The following TTLL7 variants were observed in gnomAD, a reference collection of about 807,000 sequenced individuals.
TTLL7 encodes the protein tubulin tyrosine ligase like 7.
In TTLL7, 53 loss-of-function variants were observed where a neutral mutation model predicts 120.2. The observed-to-expected ratio is 0.44, with a 90% CI of 0.35 to 0.55. The LOEUF (loss-of-function observed/expected upper bound fraction) is 0.55, where lower values mean the gene tolerates loss of function less well. Ranked by LOEUF, TTLL7 falls within the 20% of genes least tolerant of loss-of-function variation. TTLL7 has a pLI of 0.00. For missense variants in TTLL7, 803 were observed against 1,054.7 expected (o/e 0.76, Z 3.31); for synonymous variants, 353 against 351.7 (o/e 1.00, Z -0.04).
Position 83,917,115 on chromosome 1 carries a change from AAGG to A in TTLL7, c.1587+486_1587+488del, listed in dbSNP as rs1375467637. On this transcript the variant is annotated intron_variant, in intron 14 of 20. Transcript: ENST00000260505. ...CCCTGTTATCAAAAAAAAAAAAAAA[AAGG>A]AGAACATGTAGATGTCATCTACATG... 3.3e-5 allele frequency among the ~76,000 whole-genome samples: 5 copies of A among 151,730 alleles called. No individual in the cohort carries two copies. In the East Asian group the frequency reaches 9.7e-4, roughly 29 times the overall value.
chr1:83,956,242 C>T (rs1190449636), intron 1 of TTLL7, among the ~76,000 whole-genome samples: 1 of 151,804 alleles, frequency 6.6e-6, no homozygotes, highest in East Asian at 1.9e-4. Context: ...CAGGTGTACA[C>T]CACCACAACA....
chr1:83,890,743 T>G (rs1655395413), intron 18 of TTLL7, among the ~76,000 whole-genome samples: 1 of 151,656 alleles, frequency 6.6e-6, no homozygotes, highest in African/African-American at 2.4e-5. Context: ...GTAAAAGAAA[T>G]AAAAATAAAA....
intron 20 of TTLL7, among the ~76,000 whole-genome samples, chr1:83,875,040 A>T (rs1399936301): frequency 6.6e-6 from 1 of 151,848 alleles, no homozygotes; most frequent in African/African-American, 2.4e-5. Flanking sequence ...AAGGTATTTT[A>T]AAAAGTACAT....
At chr1:83,914,177 A>G (rs1407778417) in intron 14 of TTLL7, among the ~76,000 whole-genome samples, 1 of 152,108 alleles carries the variant, frequency 6.6e-6, no homozygotes, top group East Asian at 1.9e-4. Context: ...AACCAGGCTC[A>G]CCTGTATCAT....
At position 83,907,441 on chromosome 1, in the gene TTLL7, A is replaced by G; in HGVS notation, c.1992+15T>C. On this transcript the variant is annotated intron_variant, in intron 16 of 20. Transcript: ENST00000260505. ...AGCTCCCTGTAATCTTGAAAGAGCA[A>G]AACAGATGACCTACCACTTGAGAGT... The G allele has an allele frequency of 1.2e-6, 2 of 1,611,356 alleles. No individual in the cohort carries two copies. The highest frequency in any genetic ancestry group is 1.7e-6 in the Non-Finnish European group (2 of 1,178,450).
At chr1:83,902,940 A>G (rs1377028821) in intron 18 of TTLL7, among the ~76,000 whole-genome samples, 1 of 151,916 alleles carries the variant, frequency 6.6e-6, no homozygotes, top group Admixed American at 6.6e-5. Flanking sequence ...CTAGCTAAGC[A>G]CCCATTAGCT....
Position 83,917,642 on chromosome 1 carries a change from T to C in TTLL7, c.1549A>G (p.Lys517Glu). ...GTCTTGGTAGTTTTTCCCATCAACT[T>C]TTCATCATCAATTTCACATTGCTCC... ...LLEQCEIDDE[K>E]LMGKTTKTRG... The change falls in exon 14 of 21, where the codon AAG (lysine) becomes GAG (glutamate). Residue 517 changes from lysine to glutamate, a missense_variant. Physicochemically the swap from Lys to Glu is moderately conservative, Grantham distance 56. This residue lies in a region of TTLL7 where 388 missense variants were observed against 450.4 expected (regional missense o/e 0.86). Coordinates refer to ENST00000260505, the MANE Select transcript of TTLL7 (RefSeq NM_024686.6). The C allele has an allele frequency of 6.2e-7, 1 of 1,613,496 alleles. No homozygotes were observed. Among genetic ancestry groups the C allele is most frequent in the Non-Finnish European group, 8.5e-7 (1 of 1,179,594 alleles).
chr1:83,906,560 A>G, intron 16 of TTLL7, 97 bp from the exon 17 acceptor site: 3 of 1,546,278 alleles, frequency 1.9e-6, no homozygotes. Flanking sequence ...ATGCACTTTT[A>G]ACTGAAAACA....
intron 3 of TTLL7, among the ~76,000 whole-genome samples, chr1:83,951,519 A>G (rs891901158): frequency 6.6e-6 from 1 of 152,226 alleles, no homozygotes; most frequent in African/African-American, 2.4e-5. Context: ...AACCTATCTT[A>G]TTATGAAATT....
At chr1:83,950,544 C>T (rs993280045) in intron 3 of TTLL7, among the ~76,000 whole-genome samples, 5 of 152,188 alleles carry the variant, frequency 3.3e-5, no homozygotes, top group Non-Finnish European at 7.3e-5. Context: ...TCTAATCCTA[C>T]TGAAAACGTT....
chr1:83,929,080 A>T (rs1659372831), intron 10 of TTLL7, 56 bp downstream of exon 10: 3 of 1,144,904 alleles, frequency 2.6e-6, no homozygotes, highest in Non-Finnish European at 3.8e-6. Flanking sequence ...TGTACAAATG[A>T]TTAATCTATG....
chr1:83,909,815 T>C (rs1471343103), intron 15 of TTLL7, among the ~76,000 whole-genome samples: 2 of 152,022 alleles, frequency 1.3e-5, no homozygotes, highest in Non-Finnish European at 2.9e-5. Flanking sequence ...TTCATGCCAT[T>C]AGGGAGGTAC....
At chr1:83,931,471 T>G (rs1444732618) in intron 9 of TTLL7, among the ~76,000 whole-genome samples, 1 of 152,058 alleles carries the variant, frequency 6.6e-6, no homozygotes, top group African/African-American at 2.4e-5. Flanking sequence ...GTAAAGATTC[T>G]TTTTAACTCT....
intron 6 of TTLL7, among the ~76,000 whole-genome samples, chr1:83,946,678 A>T (rs1330154671): frequency 6.6e-6 from 1 of 152,186 alleles, no homozygotes; most frequent in Non-Finnish European, 1.5e-5. Context: ...TAAAGAAAAA[A>T]CTTATTTAAA....
chr1:83,966,952 G>T (rs923494430), intron 1 of TTLL7, among the ~76,000 whole-genome samples: 1 of 152,110 alleles, frequency 6.6e-6, no homozygotes, highest in African/African-American at 2.4e-5. Flanking sequence ...AATGAGGGCT[G>T]AATCAAGAAG....
chr1:83,927,311 C>G (rs866244323), intron 10 of TTLL7, among the ~76,000 whole-genome samples: 2 of 152,112 alleles, frequency 1.3e-5, no homozygotes, highest in Admixed American at 6.6e-5. Context: ...TAAAACACCA[C>G]AGAGGATAAG....
At chr1:83,969,496 C>T (rs1340641693) in intron 1 of TTLL7, among the ~76,000 whole-genome samples, 1 of 151,936 alleles carries the variant, frequency 6.6e-6, no homozygotes, top group Non-Finnish European at 1.5e-5. Context: ...ATTTATTAGT[C>T]TCCTTCTTTG....
chr1:83,975,573 C>G (rs999467384), intron 1 of TTLL7, among the ~76,000 whole-genome samples: 1 of 152,100 alleles, frequency 6.6e-6, no homozygotes, highest in Admixed American at 6.6e-5. Context: ...AAAACTGAGA[C>G]TCAAAGGGGT....
Position 83,937,908 on chromosome 1 carries a change from T to C in TTLL7, c.832A>G (p.Thr278Ala). Reference protein sequence around the residue: ...KGSKRSIKWFTEFLQANQHDV... With the variant: ...KGSKRSIKWFAEFLQANQHDV... ...TGTTGATTTGCTTGAAGGAATTCTG[T>C]AAACCATTTGATGGAACGTTTGCTG... The change falls in exon 8 of 21, where the codon ACA becomes GCA. Residue 278 changes from threonine (T) to alanine (A), a missense_variant. Physicochemically the swap from Thr to Ala is moderately conservative, Grantham distance 58. Coordinates refer to ENST00000260505, the MANE Select transcript of TTLL7 (RefSeq NM_024686.6). 6.2e-7 allele frequency: 1 copy of C among 1,614,076 alleles called. No individual in the cohort carries two copies. Among genetic ancestry groups the C allele is most frequent in the Non-Finnish European group, 8.5e-7 (1 of 1,179,972 alleles).
Sources: allele counts gnomAD v4.1 joint callset (sites outside exome capture counted in the v4.1 genomes callset), GRCh38; gene constraint gnomAD v4.1.1; regional missense constraint gnomAD v4.1.1; transcripts MANE v1.5; gene names NCBI Gene and HGNC (gene_info 2026-07-23, HGNC 2026-07-21).